Variants in ARB2A observed in about 807,000 individuals in gnomAD.
ARB2A encodes cotranscriptional regulator ARB2A.
At chr5:93,770,570 C>G in the ARB2A span, among the ~76,000 whole-genome samples, 109 of 152,194 alleles carry the variant, frequency 7.2e-4, 1 homozygote, top group African/African-American at 2.4e-3. Context: ...ATTGTCTCAG[C>G]CCAAAATCTC....
At chr5:94,009,356 T>G in the ARB2A span, among the ~76,000 whole-genome samples, 1 of 152,024 alleles carries the variant, frequency 6.6e-6, no homozygotes, top group Non-Finnish European at 1.5e-5. Context: ...TAATTTACCC[T>G]CATCAGCATT....
the ARB2A span, among the ~76,000 whole-genome samples, chr5:94,109,580 T>C: frequency 6.6e-6 from 1 of 152,184 alleles, no homozygotes; most frequent in Non-Finnish European, 1.5e-5. Flanking sequence ...AAATAAACTG[T>C]AAATAAATAA....
the ARB2A span, among the ~76,000 whole-genome samples, chr5:94,106,786 C>A: frequency 6.6e-6 from 1 of 150,432 alleles, no homozygotes; most frequent in Admixed American, 6.6e-5. Flanking sequence ...CCACGGAACA[C>A]CACACAGCCA....
chr5:93,668,048 A>G, the ARB2A span, among the ~76,000 whole-genome samples: 4 of 152,158 alleles, frequency 2.6e-5, no homozygotes, highest in Non-Finnish European at 4.4e-5. Flanking sequence ...TTTTGGTAAG[A>G]AAAAGTTACT....
At chr5:93,844,663 A>C in the ARB2A span, among the ~76,000 whole-genome samples, 1 of 152,182 alleles carries the variant, frequency 6.6e-6, no homozygotes, top group Non-Finnish European at 1.5e-5. Context: ...AAATAACCTA[A>C]GAGAGTAACA....
the ARB2A span, among the ~76,000 whole-genome samples, chr5:93,869,543 C>T: frequency 6.6e-6 from 1 of 152,154 alleles, no homozygotes; most frequent in Non-Finnish European, 1.5e-5. Context: ...AAAGCAGGTA[C>T]TAAGTACTTA....
At chr5:93,680,649 G>A in the ARB2A span, among the ~76,000 whole-genome samples, 1 of 152,110 alleles carries the variant, frequency 6.6e-6, no homozygotes, top group Non-Finnish European at 1.5e-5. Context: ...GCCAGATTTA[G>A]AGATTACAAT....
At chr5:93,890,092 A>G in the ARB2A span, among the ~76,000 whole-genome samples, 1 of 151,992 alleles carries the variant, frequency 6.6e-6, no homozygotes, top group East Asian at 1.9e-4. Flanking sequence ...AGTACTATCT[A>G]TCATATTTGA....
the ARB2A span, among the ~76,000 whole-genome samples, chr5:93,898,644 C>T: frequency 2.6e-5 from 4 of 152,126 alleles, no homozygotes; most frequent in African/African-American, 4.8e-5. Flanking sequence ...ATTTGGTCAC[C>T]TTTCTTCTGA....
the ARB2A span, among the ~76,000 whole-genome samples, chr5:93,652,028 G>A: frequency 2.0e-5 from 3 of 152,170 alleles, no homozygotes; most frequent in South Asian, 6.2e-4. Flanking sequence ...AGAGAACAGA[G>A]GAAGTGATGG....
the ARB2A span, among the ~76,000 whole-genome samples, chr5:93,958,585 G>A: frequency 6.6e-6 from 1 of 151,940 alleles, no homozygotes; most frequent in African/African-American, 2.4e-5. Context: ...ATCTTTGTAT[G>A]CTCAAGATGC....
At chr5:93,702,813 G>T in the ARB2A span, among the ~76,000 whole-genome samples, 2 of 152,018 alleles carry the variant, frequency 1.3e-5, no homozygotes, top group African/African-American at 2.4e-5. Flanking sequence ...ACATATTTTT[G>T]TTAAAGTTCA....
At chr5:94,018,892 C>A in the ARB2A span, among the ~76,000 whole-genome samples, 1 of 152,078 alleles carries the variant, frequency 6.6e-6, no homozygotes, top group Non-Finnish European at 1.5e-5. Flanking sequence ...GGTGACATCA[C>A]GCTACCTGAC....
chr5:93,766,664 T>C, the ARB2A span, among the ~76,000 whole-genome samples: 1 of 152,158 alleles, frequency 6.6e-6, no homozygotes, highest in South Asian at 2.1e-4. Flanking sequence ...AGAAATACCA[T>C]TTGACCCAGC....
At chr5:93,816,223 G>A in the ARB2A span, among the ~76,000 whole-genome samples, 1 of 152,244 alleles carries the variant, frequency 6.6e-6, no homozygotes, top group East Asian at 1.9e-4. Flanking sequence ...TTGGGAGAGG[G>A]CTTACAATGA....
chr5:94,081,116 A>T, the ARB2A span, among the ~76,000 whole-genome samples: 1 of 152,324 alleles, frequency 6.6e-6, no homozygotes, highest in East Asian at 1.9e-4. Flanking sequence ...TAAAAATGCA[A>T]ATCAAAACCA....
chr5:93,704,434 T>C, the ARB2A span, among the ~76,000 whole-genome samples: 1 of 152,140 alleles, frequency 6.6e-6, no homozygotes, highest in South Asian at 2.1e-4. Context: ...CCTTGTGGCA[T>C]GCACCTGTAG....
At chr5:93,697,798 G>A in the ARB2A span, among the ~76,000 whole-genome samples, 1 of 152,106 alleles carries the variant, frequency 6.6e-6, no homozygotes, top group Admixed American at 6.5e-5. Context: ...TAAGCTGGTA[G>A]AATGAAACAT....
chr5:93,824,487 T>TA, the ARB2A span, among the ~76,000 whole-genome samples: 4 of 151,862 alleles, frequency 2.6e-5, no homozygotes, highest in African/African-American at 7.3e-5. Context: ...AAGATAAAAA[T>TA]TAAAAAAAAC....
Sources: gnomAD v4.1 joint callset for allele counts (sites outside exome capture counted in the v4.1 genomes callset) on GRCh38, gnomAD v4.1.1 for gene constraint, MANE v1.5 for transcripts, NCBI Gene and HGNC (gene_info 2026-07-23, HGNC 2026-07-21) for gene names.